PTPRD: variants seen among roughly 807,000 people sequenced by gnomAD.
PTPRD encodes protein tyrosine phosphatase receptor type D.
In PTPRD, 34 loss-of-function variants were observed where a neutral mutation model predicts 214.5. That is an observed-to-expected ratio of 0.16 (90% CI 0.12 to 0.21). The LOEUF (loss-of-function observed/expected upper bound fraction) is 0.21, where lower values mean the gene tolerates loss of function less well. Among genes scored for constraint, PTPRD ranks in the 10% least tolerant of loss-of-function variants. The probability of loss-of-function intolerance (pLI) is 1.00; values close to 1 mark genes in which losing one functional copy is unlikely to be tolerated. For missense variants in PTPRD, 2,545 were observed against 2,398.7 expected (o/e 1.06, Z -1.27); for synonymous variants, 1,128 against 845.7 (o/e 1.33, Z -5.79).
intron 11 of PTPRD, among the ~76,000 whole-genome samples, chr9:9,004,486 T>G (rs1441622377): frequency 1.3e-5 from 2 of 152,010 alleles, no homozygotes; most frequent in Non-Finnish European, 2.9e-5. Context: ...GGCTGTTTTT[T>G]TTTACTTGGC....
intron 11 of PTPRD, among the ~76,000 whole-genome samples, chr9:8,794,083 C>G (rs1188104421): frequency 6.6e-6 from 1 of 152,198 alleles, no homozygotes; most frequent in Non-Finnish European, 1.5e-5. Context: ...CAGCCTGAAT[C>G]AAAGAGATAT....
chr9:10,266,476 G>C (rs955225890), intron 3 of PTPRD, among the ~76,000 whole-genome samples: 4 of 152,130 alleles, frequency 2.6e-5, no homozygotes, highest in African/African-American at 4.8e-5. Flanking sequence ...AGCTGAATGA[G>C]ACTAATTTTG....
chr9:10,608,007 A>G (rs2079929841), intron 2 of PTPRD, among the ~76,000 whole-genome samples: 1 of 152,004 alleles, frequency 6.6e-6, no homozygotes, highest in African/African-American at 2.4e-5. Flanking sequence ...AAACTGGGAT[A>G]TTCAACCAAC....
chr9:8,546,508 T>C (rs913042178), intron 14 of PTPRD, among the ~76,000 whole-genome samples: 3 of 152,066 alleles, frequency 2.0e-5, no homozygotes, highest in Non-Finnish European at 4.4e-5. Context: ...CTTTTTCTTT[T>C]TTTTTTGTGA....
At chr9:9,884,170 T>TCC (rs1169926530) in intron 5 of PTPRD, among the ~76,000 whole-genome samples, 1 of 152,016 alleles carries the variant, frequency 6.6e-6, no homozygotes, top group Non-Finnish European at 1.5e-5. Flanking sequence ...CCTCTAAGCC[T>TCC]CCCCATCATC....
intron 12 of PTPRD, among the ~76,000 whole-genome samples, chr9:8,648,210 G>A (rs2096734287): frequency 1.3e-5 from 2 of 152,192 alleles, no homozygotes; most frequent in Non-Finnish European, 2.9e-5. Context: ...ATAAACACGT[G>A]TTTTACAGCA....
chr9:8,712,956 T>G (rs1180098797), intron 12 of PTPRD, among the ~76,000 whole-genome samples: 1 of 152,132 alleles, frequency 6.6e-6, no homozygotes, highest in Non-Finnish European at 1.5e-5. Flanking sequence ...TGACCTCAGG[T>G]GATCCCCCTG....
chr9:8,408,214 C>T (rs1464327943), intron 35 of PTPRD, among the ~76,000 whole-genome samples: 1 of 152,046 alleles, frequency 6.6e-6, no homozygotes, highest in Non-Finnish European at 1.5e-5. Flanking sequence ...GGTCAGTCCA[C>T]CCTGACCATG....
rs192487670 is a variant in PTPRD, at chr9:10,575,302, A to C, written c.-600+37096T>G. On this transcript the variant is annotated intron_variant, in intron 2 of 45. Coordinates refer to ENST00000381196, the MANE Select transcript of PTPRD (RefSeq NM_002839.4). ...ATCTTGAAGAATATGAAAGTTGGGA[A>C]AAATACTAATATTTACCATTCATTA... 2.0e-5 allele frequency among the ~76,000 whole-genome samples: 3 copies of C among 152,228 alleles called. 1 individual carries two copies. Among genetic ancestry groups the C allele is most frequent in the Non-Finnish European group, 2.9e-5 (2 of 67,972 alleles).
chr9:9,289,087 T>C (rs1013343374), intron 9 of PTPRD, among the ~76,000 whole-genome samples: 1 of 151,842 alleles, frequency 6.6e-6, no homozygotes, highest in Non-Finnish European at 1.5e-5. Flanking sequence ...AGTTACGTCA[T>C]GGAAATAGAG....
chr9:9,813,010 G>C (rs1431658276), intron 5 of PTPRD, among the ~76,000 whole-genome samples: 1 of 151,854 alleles, frequency 6.6e-6, no homozygotes, highest in Non-Finnish European at 1.5e-5. Context: ...GGAGAAAATA[G>C]GAAAATTCAC....
chr9:10,377,465 G>A (rs1007392719), intron 2 of PTPRD, among the ~76,000 whole-genome samples: 67 of 148,692 alleles, frequency 4.5e-4, no homozygotes, highest in African/African-American at 1.6e-3. Context: ...AACAGGCCCC[G>A]GTGTGTGATG....
At chr9:9,298,190 T>C (rs1355068032) in intron 9 of PTPRD, among the ~76,000 whole-genome samples, 3 of 151,582 alleles carry the variant, frequency 2.0e-5, no homozygotes, top group African/African-American at 7.3e-5. Flanking sequence ...GTATGAAACA[T>C]GTTATTAACC....
intron 4 of PTPRD, among the ~76,000 whole-genome samples, chr9:9,989,000 CCT>C (rs1211982271): frequency 9.1e-6 from 1 of 109,862 alleles, no homozygotes; most frequent in African/African-American, 3.6e-5. Context: ...TCAGAAGAGC[CCT>C]TAGTTTCACT....
At chr9:10,279,572 G>C (rs910477420) in intron 3 of PTPRD, among the ~76,000 whole-genome samples, 1 of 151,820 alleles carries the variant, frequency 6.6e-6, no homozygotes, top group African/African-American at 2.4e-5. Flanking sequence ...TTTGCTGGAG[G>C]TTGGTCATTT....
chr9:10,083,497 AT>A (rs1321180072), intron 3 of PTPRD, among the ~76,000 whole-genome samples: 2 of 152,098 alleles, frequency 1.3e-5, no homozygotes, highest in Admixed American at 1.3e-4. Context: ...TAGTGAGCTA[AT>A]TTTTATCAGC....
intron 12 of PTPRD, among the ~76,000 whole-genome samples, chr9:8,729,098 T>C (rs974377272): frequency 6.6e-6 from 1 of 152,206 alleles, no homozygotes; most frequent in African/African-American, 2.4e-5. Context: ...GGCACTGTAT[T>C]ACTGTGTTTA....
chr9:10,279,359 G>A (rs897854064), intron 3 of PTPRD, among the ~76,000 whole-genome samples: 5 of 152,110 alleles, frequency 3.3e-5, no homozygotes, highest in African/African-American at 7.2e-5. Flanking sequence ...TTAGGAAACA[G>A]AACAGAAATG....
intron 11 of PTPRD, among the ~76,000 whole-genome samples, chr9:8,842,304 A>G (rs565183808): frequency 4.7e-5 from 7 of 148,800 alleles, no homozygotes; most frequent in Non-Finnish European, 4.4e-5. Flanking sequence ...TTTCAGATAA[A>G]AGGATTATGA....
Sources: gnomAD v4.1 joint callset for allele counts (sites outside exome capture counted in the v4.1 genomes callset) on GRCh38, gnomAD v4.1.1 for gene constraint, MANE v1.5 for transcripts, NCBI Gene and HGNC (gene_info 2026-07-23, HGNC 2026-07-21) for gene names.